NBEA: variants seen among roughly 807,000 people sequenced by gnomAD.
NBEA encodes the protein lysosomal-trafficking regulator 2.
Under a neutral mutation model 343.4 loss-of-function variants are expected in NBEA, and 44 were observed. That is an observed-to-expected ratio of 0.13 (90% CI 0.10 to 0.16). The LOEUF (loss-of-function observed/expected upper bound fraction) is 0.16. Ranked by LOEUF, NBEA falls within the 10% of genes least tolerant of loss-of-function variation. The probability of loss-of-function intolerance (pLI) is 1.00; values close to 1 mark genes in which losing one functional copy is unlikely to be tolerated. For synonymous variants in NBEA, 1,175 were observed against 1,238.7 expected (o/e 0.95, Z 1.08); for missense variants, 2,555 against 3,631.3 (o/e 0.70, Z 7.62).
intron 34 of NBEA, among the ~76,000 whole-genome samples, chr13:35,237,432 T>TAA (rs937510128): frequency 6.6e-6 from 1 of 152,230 alleles, no homozygotes; most frequent in African/African-American, 2.4e-5. Flanking sequence ...CATGTACTCT[T>TAA]ACTCATTCTT....
Position 34,942,591 on chromosome 13 carries a change from A to C in NBEA, c.-230A>C. The stretch of plus-strand genomic sequence containing the variant: ...CACAGCCGCTTGCCCGGCAGCGGTT[A>C]GCGGTACCGCCACCGCCGAGAATAA... On this transcript the variant is annotated 5_prime_UTR_variant, in exon 1 of 59. Coordinates refer to ENST00000379939, the MANE Select transcript of NBEA (RefSeq NM_001385012.1). 7 of 228,924 alleles carry C rather than the reference A, an allele frequency of 3.1e-5. No homozygotes were observed. The highest frequency in any genetic ancestry group is 1.5e-4 in the South Asian group (1 of 6,598). 14.2% of individuals were successfully genotyped at this position (228,924 alleles called of 1,614,324 possible).
At chr13:35,513,391 T>A (rs2077362979) in intron 41 of NBEA, among the ~76,000 whole-genome samples, 1 of 143,610 alleles carries the variant, frequency 7.0e-6, no homozygotes, top group African/African-American at 2.6e-5. Flanking sequence ...CCTCAAGGGA[T>A]CCACCTGCCT....
chr13:35,654,416 T>TTA (rs1180871088), intron 53 of NBEA, among the ~76,000 whole-genome samples: 4 of 152,218 alleles, frequency 2.6e-5, no homozygotes, highest in Non-Finnish European at 5.9e-5. Context: ...TTCACAGGAA[T>TTA]TATAAATACC....
chr13:35,564,700 G>A (rs1241134461), intron 44 of NBEA, among the ~76,000 whole-genome samples: 1 of 152,094 alleles, frequency 6.6e-6, no homozygotes, highest in African/African-American at 2.4e-5. Context: ...TTAAACACAA[G>A]CAGGTTCATT....
intron 34 of NBEA, among the ~76,000 whole-genome samples, chr13:35,271,226 G>T (rs1281870979): frequency 6.6e-6 from 1 of 152,228 alleles, no homozygotes; most frequent in Non-Finnish European, 1.5e-5. Context: ...GTCTAAAGTG[G>T]ACGTCCAGCG....
chr13:35,202,053 A>T (rs530832496), intron 31 of NBEA, among the ~76,000 whole-genome samples: 1 of 152,278 alleles, frequency 6.6e-6, no homozygotes, highest in East Asian at 1.9e-4. Flanking sequence ...CACACCTTTC[A>T]CCAGCCAGAA....
chr13:35,504,772 A>G (rs2077011632), intron 41 of NBEA, among the ~76,000 whole-genome samples: 1 of 151,784 alleles, frequency 6.6e-6, no homozygotes, highest in Non-Finnish European at 1.5e-5. Flanking sequence ...ATGCCAGGCT[A>G]ATTTTCTTAT....
At chr13:35,208,926 C>A in intron 32 of NBEA, 72 bp downstream of exon 32, 1 of 1,156,762 alleles carries the variant, frequency 8.6e-7, no homozygotes, top group South Asian at 2.1e-5. Flanking sequence ...CTTATTTGAT[C>A]TTAAAAATTA....
intron 17 of NBEA, among the ~76,000 whole-genome samples, chr13:35,127,747 A>G (rs1330949039): frequency 1.3e-5 from 2 of 152,152 alleles, no homozygotes; most frequent in East Asian, 3.9e-4. Context: ...TCACAGTTAA[A>G]AAGATAAGCA....
intron 1 of NBEA, among the ~76,000 whole-genome samples, chr13:35,014,981 A>AG (rs1297816327): frequency 6.6e-6 from 1 of 151,732 alleles, no homozygotes; most frequent in East Asian, 1.9e-4. Flanking sequence ...AGTACTGGGG[A>AG]GGGGTTGGTG....
intron 10 of NBEA, among the ~76,000 whole-genome samples, chr13:35,091,950 A>G (rs1253468451): frequency 1.3e-5 from 2 of 152,030 alleles, no homozygotes; most frequent in African/African-American, 4.8e-5. Flanking sequence ...TTGAATGACA[A>G]AGTAACTAGG....
chr13:35,659,998 T>G (rs937618460), intron 55 of NBEA, among the ~76,000 whole-genome samples: 2 of 152,226 alleles, frequency 1.3e-5, no homozygotes, highest in Non-Finnish European at 2.9e-5. Flanking sequence ...GAATTTTTTG[T>G]CAGGTAGGTA....
chr13:35,387,544 T>G (rs1274350922), intron 38 of NBEA, among the ~76,000 whole-genome samples: 1 of 152,052 alleles, frequency 6.6e-6, no homozygotes, highest in African/African-American at 2.4e-5. Context: ...CAGGAACCAG[T>G]ATTGAGGATT....
chr13:35,578,057 A>G (rs1473958988), intron 45 of NBEA, among the ~76,000 whole-genome samples: 1 of 152,210 alleles, frequency 6.6e-6, no homozygotes, highest in Admixed American at 6.5e-5. Flanking sequence ...CCTTGATTAC[A>G]AAAGATAACA....
chr13:35,195,741 G>A (rs148280766), intron 30 of NBEA, 123 bp from the exon 31 acceptor site: 36 of 838,166 alleles, frequency 4.3e-5, no homozygotes, highest in African/African-American at 2.2e-4. Context: ...ATGCACATCC[G>A]TTTAGCAATT....
Position 35,070,941 on chromosome 13 carries a change from A to G in NBEA, c.1571+89A>G, listed in dbSNP as rs996262220. On this transcript the variant is annotated intron_variant, in intron 10 of 58. Coordinates refer to ENST00000379939, the MANE Select transcript of NBEA (RefSeq NM_001385012.1). ...ACTCAGTGCTGTGTAAATGTATTAC[A>G]GTATTTGGGTTCTGCCCTTAAAGTG... 7 of 1,376,710 alleles carry G rather than the reference A, an allele frequency of 5.1e-6. No homozygotes were observed. In the African/African-American group the frequency reaches 7.3e-5, roughly 14 times the overall value. The allele number at this position is 1,376,710 out of a possible 1,614,324, so 85.3% of individuals were successfully genotyped here. A position where few individuals can be genotyped will look rare whatever the true frequency, so the allele number is the denominator to read the frequency against.
At chr13:35,251,638 GA>G (rs2152788232) in intron 34 of NBEA, 16 of 1,008,102 alleles carry the variant, frequency 1.6e-5, no homozygotes, top group South Asian at 1.0e-4. Flanking sequence ...ATTTGAGGTG[GA>G]AAAGGATGAG....
chr13:35,606,773 C>T (rs866879326), intron 48 of NBEA, among the ~76,000 whole-genome samples, 195 bp downstream of exon 48: 3 of 152,062 alleles, frequency 2.0e-5, no homozygotes, highest in African/African-American at 7.2e-5. Flanking sequence ...GTGGATTTTC[C>T]GTTCATGAGG....
At chr13:35,358,963 G>A (rs930535112) in intron 38 of NBEA, among the ~76,000 whole-genome samples, 3 of 152,142 alleles carry the variant, frequency 2.0e-5, no homozygotes, top group African/African-American at 7.2e-5. Context: ...AAAACAGAAT[G>A]AACAAAAAGG....
Sources: gnomAD v4.1 joint callset for allele counts (sites outside exome capture counted in the v4.1 genomes callset) on GRCh38, gnomAD v4.1.1 for gene constraint, MANE v1.5 for transcripts, NCBI Gene and HGNC (gene_info 2026-07-23, HGNC 2026-07-21) for gene names.